EXPH5: variants seen among roughly 807,000 people sequenced by gnomAD.
EXPH5 encodes exophilin-5.
A neutral mutation model predicts 41.1 loss-of-function variants in EXPH5; 42 were observed. The ratio of observed to expected loss-of-function variants is 1.02; its 90% confidence interval spans 0.80 to 1.32. EXPH5 has a LOEUF of 1.32. Among genes scored for constraint, EXPH5 ranks in the 40% most tolerant of loss-of-function variants. EXPH5 has a pLI of 0.00. For missense variants in EXPH5, 2,298 were observed against 2,314.5 expected (o/e 0.99, Z 0.15); for synonymous variants, 798 against 833.5 (o/e 0.96, Z 0.73).
rs148900371 is a variant in EXPH5, at chr11:108,548,888, A to G, written c.120-7076T>C. The stretch of plus-strand genomic sequence containing the variant: ...CAAGTAAGAAAAAATTCTAAACATA[A>G]AGTGGAAGTGTGGTGACAAAACTTG... On this transcript the variant is annotated intron_variant, in intron 1 of 5. Transcript: ENST00000265843. Among the ~76,000 whole-genome samples, 22 of 152,344 alleles carry G rather than the reference A, an allele frequency of 1.4e-4. No homozygotes were observed. The East Asian group carries it at 3.7e-3, about 25-fold the overall frequency.
intron 1 of EXPH5, among the ~76,000 whole-genome samples, chr11:108,575,999 G>C (rs958468113): frequency 4.6e-5 from 7 of 151,964 alleles, no homozygotes; most frequent in African/African-American, 1.7e-4. Flanking sequence ...AAAATGACAT[G>C]GGGGTAACAG....
intron 1 of EXPH5, among the ~76,000 whole-genome samples, chr11:108,575,427 A>C (rs1230831628): frequency 6.6e-6 from 1 of 152,240 alleles, no homozygotes; most frequent in African/African-American, 2.4e-5. Context: ...AGATAATTTA[A>C]ACTGAATTAA....
rs893399603 is a variant in EXPH5, at chr11:108,550,809, A to G, written c.120-8997T>C. On this transcript the variant is annotated intron_variant, in intron 1 of 5. Coordinates refer to ENST00000265843, the MANE Select transcript of EXPH5 (RefSeq NM_015065.3). ...ATAAATAAATAAATAAATAAAAAAT[A>G]AAAATAAAATTTGGGGTGGTTCGTT... Among the ~76,000 whole-genome samples the G allele has an allele frequency of 2.6e-5, 4 of 152,194 alleles. 1 individual carries two copies. In the South Asian group the frequency reaches 8.3e-4, roughly 32 times the overall value.
chr11:108,534,514 C>G (rs1217588453), intron 3 of EXPH5, among the ~76,000 whole-genome samples: 1 of 152,186 alleles, frequency 6.6e-6, no homozygotes, highest in Admixed American at 6.6e-5. Flanking sequence ...GAATTCCTGC[C>G]TTCTCCACTC....
chr11:108,513,596 G>T lies in EXPH5; in HGVS notation c.1911C>A (p.Asp637Glu). 6.2e-7 allele frequency: 1 copy of T among 1,613,664 alleles called. No homozygotes were observed. The stretch of plus-strand genomic sequence containing the variant: ...AGTTGGGACTCTGAGGATTCCTTCT[G>T]TCATCAGAAATCTGGGAAAAGGAAG... ...FKTSFSQISD[D>E]RRNPQSPNLQ... Residue 637 changes from aspartate (D) to glutamate (E), a missense_variant, in exon 6 of 6, where the codon GAC (aspartate) becomes GAA (glutamate). Transcript: ENST00000265843.
intron 3 of EXPH5, among the ~76,000 whole-genome samples, chr11:108,535,813 A>G (rs1196982348): frequency 6.6e-6 from 1 of 152,166 alleles, no homozygotes; most frequent in Admixed American, 6.5e-5. Flanking sequence ...TCACTTATTC[A>G]TAGTAGGGAG....
chr11:108,574,173 T>G (rs2094072300), intron 1 of EXPH5, among the ~76,000 whole-genome samples: 1 of 151,504 alleles, frequency 6.6e-6, no homozygotes, highest in South Asian at 2.1e-4. Context: ...CCTCCCAAAG[T>G]GCGGAGATTA....
At chr11:108,548,229 C>CG (rs1555195390) in intron 1 of EXPH5, among the ~76,000 whole-genome samples, 1 of 150,266 alleles carries the variant, frequency 6.7e-6, no homozygotes, top group Non-Finnish European at 1.5e-5. Flanking sequence ...AAGTTTTTGA[C>CG]TTTTTTTTCT....
chr11:108,560,849 T>C (rs1164552319), intron 1 of EXPH5, among the ~76,000 whole-genome samples: 2 of 152,246 alleles, frequency 1.3e-5, no homozygotes, highest in African/African-American at 4.8e-5. Context: ...CATTGTTATA[T>C]GTTCTTATTA....
intron 1 of EXPH5, among the ~76,000 whole-genome samples, chr11:108,586,817 T>TGGTTA (rs2094114830): frequency 6.6e-6 from 1 of 151,820 alleles, no homozygotes; most frequent in Non-Finnish European, 1.5e-5. Context: ...TAACACACCA[T>TGGTTA]GGAATGAGGA....
At chr11:108,600,789 T>A in the EXPH5 span, among the ~76,000 whole-genome samples, 2 of 152,364 alleles carry the variant, frequency 1.3e-5, no homozygotes, top group East Asian at 3.9e-4. Context: ...ATTCTAGCCA[T>A]CCCTTTTTCC....
rs1026889234 is a variant in EXPH5 at position 108,507,474 on chromosome 11, C to G, written c.*2063G>C. 1.3e-5 allele frequency: 2 copies of G among 152,166 alleles called. No homozygotes were observed. Among genetic ancestry groups the G allele is most frequent in the African/African-American group, 4.8e-5 (2 of 41,442 alleles). The allele number at this position is 152,166 out of a possible 1,614,324, so 9.4% of individuals were successfully genotyped here. On this transcript the variant is annotated 3_prime_UTR_variant, in exon 6 of 6. Coordinates refer to ENST00000265843, the MANE Select transcript of EXPH5 (RefSeq NM_015065.3). ...TATAAACCAAGCAAGATAAAATCCA[C>G]TCATGTTGACTATCATAGTATTGAG...
At position 108,511,913 on chromosome 11, in the gene EXPH5, G is replaced by A; in HGVS notation, c.3594C>T (p.Ser1198=). 2.5e-6 allele frequency: 4 copies of A among 1,596,600 alleles called. No homozygotes were observed. The highest frequency in any genetic ancestry group is 2.6e-6 in the Non-Finnish European group (3 of 1,174,956). The change falls in exon 6 of 6, where the codon TCC becomes TCT. Residue 1198 remains serine (S), a synonymous_variant. Coordinates refer to ENST00000265843, the MANE Select transcript of EXPH5 (RefSeq NM_015065.3). ...YTEKEGKMAA[S]RRSVFALSNE... ...TTGAAAGAGCAAATACACTTCTCCT[G>A]GAGGCAGCCATTTTACCCTCTTTCT...
intron 1 of EXPH5, 50 bp downstream of exon 1, chr11:108,593,368 G>A: frequency 6.6e-7 from 1 of 1,524,166 alleles, no homozygotes; most frequent in Non-Finnish European, 9.1e-7. Context: ...CGGATCCCCG[G>A]CCCCTGCGGG....
chr11:108,564,276 A>G (rs2094025298), intron 1 of EXPH5, among the ~76,000 whole-genome samples: 1 of 152,172 alleles, frequency 6.6e-6, no homozygotes, highest in South Asian at 2.1e-4. Flanking sequence ...TGACAGAACA[A>G]GACGGTCTAA....
rs576039135 is a variant in EXPH5 at position 108,538,175 on chromosome 11, C to A, written c.443+849G>T. Reference sequence around the variant, plus strand: ...ACCAGCTGCTTGCTGCCTCTTGTTTCTCAGCGACAGTGACCTCCAACACCT... The same window carrying A: ...ACCAGCTGCTTGCTGCCTCTTGTTTATCAGCGACAGTGACCTCCAACACCT... On this transcript the variant is annotated intron_variant, in intron 3 of 5. Coordinates refer to ENST00000265843, the MANE Select transcript of EXPH5 (RefSeq NM_015065.3). 3.0e-6 allele frequency: 3 copies of A among 985,538 alleles called. No individual in the cohort carries two copies. In the African/African-American group the frequency reaches 5.2e-5, roughly 17 times the overall value. The allele number at this position is 985,538 out of a possible 1,614,324, so 61.0% of individuals were successfully genotyped here. A position where few individuals can be genotyped will look rare whatever the true frequency, so the allele number is the denominator to read the frequency against.
intron 3 of EXPH5, among the ~76,000 whole-genome samples, chr11:108,528,904 T>A (rs912098116): frequency 6.6e-6 from 1 of 151,846 alleles, no homozygotes; most frequent in Non-Finnish European, 1.5e-5. Context: ...GTTTTCATCA[T>A]GTTGACCAGG....
In EXPH5 at chr11:108,507,314, A is replaced by G. The variant is rs1439802051; in HGVS notation, c.*2223T>C. 2 of 152,238 alleles carry G rather than the reference A, an allele frequency of 1.3e-5. No individual in the cohort carries two copies. The highest frequency in any genetic ancestry group is 2.9e-5 in the Non-Finnish European group (2 of 68,038). 9.4% of individuals were successfully genotyped at this position (152,238 alleles called of 1,614,324 possible). A position where few individuals can be genotyped will look rare whatever the true frequency, so the allele number is the denominator to read the frequency against. ...GGGAATGATTAGAAGGATAACAACA[A>G]CATAGTTCTTTCTTAACTCTCTATC... On this transcript the variant is annotated 3_prime_UTR_variant, in exon 6 of 6. Transcript: ENST00000265843.
rs1318595853 is a variant in EXPH5 at position 108,510,817 on chromosome 11, A to G, written c.4690T>C (p.Trp1564Arg). Residue 1564 changes from tryptophan (W) to arginine (R), a missense_variant, in exon 6 of 6, where the codon TGG becomes CGG. By Grantham distance (101) the Trp-to-Arg change is moderately radical. Transcript: ENST00000265843. ...KAEDEMQKSA[W>R]DQPSLPEGNK... is the part of the protein sequence containing the mutation. ...CCTTCAGGAAGTGAAGGTTGATCCC[A>G]AGCTGACTTCTGCATTTCATCTTCA... 6.2e-7 allele frequency: 1 copy of G among 1,614,124 alleles called. No individual in the cohort carries two copies.
Sources: gnomAD v4.1 joint callset for allele counts (sites outside exome capture counted in the v4.1 genomes callset) on GRCh38, gnomAD v4.1.1 for gene constraint, MANE v1.5 for transcripts, NCBI Gene and HGNC (gene_info 2026-07-23, HGNC 2026-07-21) for gene names.